Variants in STARD8 observed in about 807,000 individuals in gnomAD.
STARD8 encodes the protein stAR-related lipid transfer protein 8.
In STARD8, 25 loss-of-function variants were observed where a neutral mutation model predicts 69.4. That is an observed-to-expected ratio of 0.36 (90% CI 0.26 to 0.50). STARD8 has a LOEUF of 0.50. STARD8 is among the 20% of genes least tolerant of loss of function. The pLI is 0.96. For missense variants in STARD8, 921 were observed against 932.5 expected (o/e 0.99, Z 0.16); for synonymous variants, 389 against 374.6 (o/e 1.04, Z -0.45).
At chrX:68,717,190 G>A in intron 5 of STARD8, 22 bp from the exon 6 acceptor site, 1 of 1,166,423 alleles carries the variant, frequency 8.6e-7, no homozygotes. Context: ...TCTCTGACCT[G>A]ATCCTGCAGT....
chrX:68,683,792 A>G (rs2079814165), intron 2 of STARD8, among the ~76,000 whole-genome samples: 1 of 112,223 alleles, frequency 8.9e-6, no homozygotes, highest in Non-Finnish European at 1.9e-5. Context: ...GGGTACTTGA[A>G]TACAAAAGTT....
chrX:68,663,452 C>A (rs190297562), intron 1 of STARD8, among the ~76,000 whole-genome samples: 1 of 112,318 alleles, frequency 8.9e-6, no homozygotes, highest in African/African-American at 3.2e-5. Flanking sequence ...ATCTACCATG[C>A]AAGATGGTTG....
In STARD8 at chrX:68,720,912, T is replaced by C; in HGVS notation, c.2050-12T>C. On this transcript the variant is annotated splice_polypyrimidine_tract_variant and intron_variant, in intron 8 of 14. Transcript: ENST00000374599. ...TGTTTTCCTCACTCCCTCCCTCCCC[T>C]GCATGGAGTAGGTAGGCATCTTCCG... 2 of 1,206,687 alleles carry C rather than the reference T, an allele frequency of 1.7e-6. No homozygotes were observed. The highest frequency in any genetic ancestry group is 2.2e-6 in the Non-Finnish European group (2 of 891,951).
chrX:68,668,671 G>T (rs1308781893), intron 2 of STARD8, among the ~76,000 whole-genome samples: 1 of 110,892 alleles, frequency 9.0e-6, no homozygotes, highest in African/African-American at 3.3e-5. Flanking sequence ...TGCTGCCCAG[G>T]CCCAAAAGAA....
intron 1 of STARD8, among the ~76,000 whole-genome samples, chrX:68,659,737 C>T (rs1168821475): frequency 1.8e-5 from 2 of 111,582 alleles, no homozygotes; most frequent in African/African-American, 6.5e-5. Flanking sequence ...CTACTCTTGG[C>T]CTGCTGTGGA....
chrX:68,704,832 G>A (rs2079993241), intron 2 of STARD8, among the ~76,000 whole-genome samples: 1 of 111,561 alleles, frequency 9.0e-6, no homozygotes, highest in African/African-American at 3.3e-5. Context: ...TCTAGATTTT[G>A]GGGAACGGCC....
At chrX:68,693,972 A>G (rs1271889842) in intron 2 of STARD8, 2 of 407,837 alleles carry the variant, frequency 4.9e-6, no homozygotes, top group Non-Finnish European at 6.2e-6. Flanking sequence ...GACAGGGAGG[A>G]AGCGAGCCGA....
intron 2 of STARD8, among the ~76,000 whole-genome samples, chrX:68,690,431 CA>C (rs67346831): frequency 0.015 from 1,488 of 99,555 alleles, 42 homozygotes; most frequent in African/African-American, 0.051. Context: ...CCCAGGCAGG[CA>C]GGGCGGGGGG....
chrX:68,712,256 G>A (rs188739106), intron 2 of STARD8, among the ~76,000 whole-genome samples: 1 of 112,031 alleles, frequency 8.9e-6, no homozygotes, highest in East Asian at 2.8e-4. Flanking sequence ...TGAGGAGGGA[G>A]GACTATAATG....
intron 1 of STARD8, among the ~76,000 whole-genome samples, chrX:68,648,936 G>A (rs2079531220): frequency 8.9e-6 from 1 of 112,363 alleles, no homozygotes; most frequent in Non-Finnish European, 1.9e-5. Flanking sequence ...TATAGATAGG[G>A]AAAAGACACT....
chrX:68,658,606 A>C (rs1161757977), intron 1 of STARD8, among the ~76,000 whole-genome samples: 2 of 112,728 alleles, frequency 1.8e-5, no homozygotes, highest in Non-Finnish European at 3.7e-5. Flanking sequence ...AAGAGCCGAC[A>C]CTGGAGCTTG....
chrX:68,716,672 G>A (rs2080094109), intron 5 of STARD8, among the ~76,000 whole-genome samples: 1 of 110,880 alleles, frequency 9.0e-6, no homozygotes, highest in African/African-American at 3.3e-5. Context: ...AGTCAGGTGG[G>A]GCAGCCAAGT....
chrX:68,707,073 G>A (rs1056995510), intron 2 of STARD8, among the ~76,000 whole-genome samples: 2 of 112,607 alleles, frequency 1.8e-5, no homozygotes, highest in African/African-American at 6.5e-5. Context: ...TTTCTCCGCC[G>A]CTCAGGACAC....
In STARD8 at chrX:68,680,369, G is replaced by A. The variant is rs772348551; in HGVS notation, c.79+14837G>A. Among the ~76,000 whole-genome samples the A allele has an allele frequency of 2.9e-4, 33 of 112,216 alleles. 1 individual carries two copies. The South Asian group carries it at 0.012, about 41-fold the overall frequency. ...GCTCTCTGAGGACCCACCAGCTCCA[G>A]GCTGGGCTTGTGTGGAAGCCCTGAC... is the stretch of plus-strand genomic sequence containing the variant. On this transcript the variant is annotated intron_variant, in intron 2 of 14. Transcript: ENST00000374599.
At position 68,689,477 on chromosome X, in the gene STARD8, G is replaced by T. The variant is rs1028437646; in HGVS notation, c.80-23437G>T. On this transcript the variant is annotated intron_variant, in intron 2 of 14. Coordinates refer to ENST00000374599, the MANE Select transcript of STARD8 (RefSeq NM_001142503.3). The stretch of plus-strand genomic sequence containing the variant: ...TTCCATCAGGCTGGCACATTGACTG[G>T]TGTTGGTTGAGGAGAGATGACAGGT... Among the ~76,000 whole-genome samples, 6 of 112,379 alleles carry T rather than the reference G, an allele frequency of 5.3e-5. No individual in the cohort carries two copies. In the South Asian group the frequency reaches 2.2e-3, roughly 42 times the overall value.
rs975564978 is a variant in STARD8, at chrX:68,647,789, C to G, written c.-94C>G. Reference sequence around the variant, plus strand: ...GCGCAGGGACCGGGCTGGCTCTCGCCGAGCCCCGGGCCTCTTTTAGCCTCG... The same window carrying G: ...GCGCAGGGACCGGGCTGGCTCTCGCGGAGCCCCGGGCCTCTTTTAGCCTCG... On this transcript the variant is annotated 5_prime_UTR_variant, in exon 1 of 15. Transcript: ENST00000374599. The G allele has an allele frequency of 1.7e-5, 19 of 1,086,666 alleles. No individual in the cohort carries two copies. Among genetic ancestry groups the G allele is most frequent in the South Asian group, 1.7e-4 (8 of 48,286 alleles). 89.6% of individuals were successfully genotyped at this position (1,086,666 alleles called of 1,213,427 possible). A position where few individuals can be genotyped will look rare whatever the true frequency, so the allele number is the denominator to read the frequency against.
intron 2 of STARD8, among the ~76,000 whole-genome samples, chrX:68,670,992 C>G (rs907393928): frequency 1.8e-5 from 2 of 111,692 alleles, no homozygotes; most frequent in Non-Finnish European, 3.8e-5. Flanking sequence ...TGGTTGCAAC[C>G]GCTACCTAAC....
At chrX:68,698,322 G>A (rs986208108) in intron 2 of STARD8, among the ~76,000 whole-genome samples, 5 of 111,104 alleles carry the variant, frequency 4.5e-5, no homozygotes, top group Admixed American at 2.9e-4. Context: ...GTAGTTGATC[G>A]CCTCATCTCA....
At position 68,693,080 on chromosome X, in the gene STARD8, A is replaced by C. The variant is rs140653261; in HGVS notation, c.80-19834A>C. Among the ~76,000 whole-genome samples, 288 of 112,683 alleles carry C rather than the reference A, an allele frequency of 2.6e-3. 2 individuals are homozygous for C. The highest frequency in any genetic ancestry group is 4.6e-3 in the Middle Eastern group (1 of 219). On this transcript the variant is annotated intron_variant, in intron 2 of 14. Coordinates refer to ENST00000374599, the MANE Select transcript of STARD8 (RefSeq NM_001142503.3). ...CTGGAAGCCCTCCCCTGCCACGATTAATGTTCGTGCCCCAAATTTTCCATG... is the reference window on the plus strand; with the variant it reads ...CTGGAAGCCCTCCCCTGCCACGATTCATGTTCGTGCCCCAAATTTTCCATG...
Sources: gnomAD v4.1 joint callset for allele counts (sites outside exome capture counted in the v4.1 genomes callset) on GRCh38, gnomAD v4.1.1 for gene constraint, MANE v1.5 for transcripts, NCBI Gene and HGNC (gene_info 2026-07-23, HGNC 2026-07-21) for gene names.